The following HPSE2 variants were observed in gnomAD, a reference collection of about 807,000 sequenced individuals.
The protein encoded by HPSE2 is inactive heparanase-2.
A neutral mutation model predicts 60.5 loss-of-function variants in HPSE2; 38 were observed. That is an observed-to-expected ratio of 0.63 (90% confidence interval 0.48 to 0.82). HPSE2 has a LOEUF of 0.82. HPSE2 is among the 40% of genes least tolerant of loss of function. The probability of loss-of-function intolerance (pLI) is 0.00; values close to 1 mark genes in which losing one functional copy is unlikely to be tolerated. For missense variants in HPSE2, 713 were observed against 740.4 expected (o/e 0.96, Z 0.43); for synonymous variants, 295 against 293.2 (o/e 1.01, Z -0.06).
intron 9 of HPSE2, among the ~76,000 whole-genome samples, chr10:98,564,792 TC>T (rs1168793070): frequency 6.6e-5 from 10 of 152,194 alleles, no homozygotes; most frequent in Non-Finnish European, 1.5e-4. Context: ...TTTAAATATT[TC>T]CAAGGAAGAA....
chr10:99,277,755 A>G, the HPSE2 span, among the ~76,000 whole-genome samples: 2 of 152,202 alleles, frequency 1.3e-5, no homozygotes, highest in Non-Finnish European at 2.9e-5. Flanking sequence ...GAAAAGATGG[A>G]AAAATATCAT....
chr10:98,931,523 T>C (rs1042303913), intron 3 of HPSE2, among the ~76,000 whole-genome samples: 1 of 144,262 alleles, frequency 6.9e-6, no homozygotes, highest in African/African-American at 2.8e-5. Context: ...GGTAGCTTAA[T>C]GGGAATTGCA....
chr10:99,261,491 G>T, the HPSE2 span, among the ~76,000 whole-genome samples: 1 of 152,098 alleles, frequency 6.6e-6, no homozygotes, highest in African/African-American at 2.4e-5. Context: ...AAATCAGTTA[G>T]CGTTTAGGCT....
At chr10:98,710,480 T>G (rs546228725) in intron 5 of HPSE2, among the ~76,000 whole-genome samples, 1 of 152,284 alleles carries the variant, frequency 6.6e-6, no homozygotes, top group Non-Finnish European at 1.5e-5. Flanking sequence ...GGCTTAAATA[T>G]ACAGGAATTA....
At chr10:98,742,284 G>T (rs972018910) in intron 4 of HPSE2, among the ~76,000 whole-genome samples, 1 of 152,126 alleles carries the variant, frequency 6.6e-6, no homozygotes, top group East Asian at 1.9e-4. Context: ...TGAGGGCTAC[G>T]TTCCAGTTAG....
chr10:98,842,961 C>T (rs1356826829), intron 3 of HPSE2, among the ~76,000 whole-genome samples: 1 of 152,056 alleles, frequency 6.6e-6, no homozygotes, highest in Non-Finnish European at 1.5e-5. Context: ...AGTCTTTTCA[C>T]ACAGGCTTCT....
intron 3 of HPSE2, among the ~76,000 whole-genome samples, chr10:98,898,004 A>G (rs1286504258): frequency 1.3e-5 from 2 of 152,168 alleles, no homozygotes; most frequent in Non-Finnish European, 2.9e-5. Flanking sequence ...AATGAGGAAA[A>G]AAACCTCAAC....
chr10:98,839,019 G>T (rs1369309039), intron 3 of HPSE2, among the ~76,000 whole-genome samples: 3 of 152,124 alleles, frequency 2.0e-5, no homozygotes, highest in African/African-American at 7.2e-5. Context: ...TAATAGATCA[G>T]TTCTAGAAAT....
the HPSE2 span, among the ~76,000 whole-genome samples, chr10:99,258,672 A>G: frequency 6.6e-6 from 1 of 152,242 alleles, no homozygotes. Context: ...TATTGGCATC[A>G]AGACAAATAG....
intron 9 of HPSE2, among the ~76,000 whole-genome samples, chr10:98,534,172 C>G (rs987685351): frequency 6.6e-6 from 1 of 152,230 alleles, no homozygotes; most frequent in Non-Finnish European, 1.5e-5. Context: ...CTGACAACTA[C>G]TATCTGTTTT....
intron 3 of HPSE2, among the ~76,000 whole-genome samples, chr10:99,051,822 T>A (rs1488213960): frequency 1.3e-5 from 2 of 152,166 alleles, no homozygotes; most frequent in East Asian, 3.9e-4. Flanking sequence ...AAAGACTATG[T>A]CTCAGGACTA....
intron 3 of HPSE2, among the ~76,000 whole-genome samples, chr10:98,949,413 T>C (rs1210968337): frequency 6.7e-6 from 1 of 149,850 alleles, no homozygotes; most frequent in Non-Finnish European, 1.5e-5. Flanking sequence ...AATTCAGTCT[T>C]TCTCTGGTGG....
Position 98,723,449 on chromosome 10 carries a change from G to A in HPSE2, c.785-1621C>T, listed in dbSNP as rs1040343860. 4.4e-4 allele frequency among the ~76,000 whole-genome samples: 67 copies of A among 152,118 alleles called. 2 individuals carry two copies. The highest frequency in any genetic ancestry group is 1.5e-5 in the Non-Finnish European group (1 of 68,034). ...TCTTTTTTTGTCGTGTCTCTGCCAGGCTTTGGTATCAGGATGATGCTGGCC... is the reference window on the plus strand; with the variant it reads ...TCTTTTTTTGTCGTGTCTCTGCCAGACTTTGGTATCAGGATGATGCTGGCC... On this transcript the variant is annotated intron_variant, in intron 4 of 11. Transcript: ENST00000370552.
intron 10 of HPSE2, among the ~76,000 whole-genome samples, chr10:98,484,699 G>C (rs1406105460): frequency 6.6e-6 from 1 of 151,990 alleles, no homozygotes; most frequent in African/African-American, 2.4e-5. Flanking sequence ...TTATCTTTTT[G>C]ATTTCTTCTT....
intron 3 of HPSE2, among the ~76,000 whole-genome samples, chr10:99,049,885 G>A (rs1957949306): frequency 6.6e-6 from 1 of 152,074 alleles, no homozygotes; most frequent in Admixed American, 6.5e-5. Flanking sequence ...AATGAACTCT[G>A]ACAACTTAAT....
At chr10:98,922,295 C>T (rs746486801) in intron 3 of HPSE2, among the ~76,000 whole-genome samples, 2 of 152,006 alleles carry the variant, frequency 1.3e-5, no homozygotes, top group Non-Finnish European at 2.9e-5. Flanking sequence ...TGGATAGTGC[C>T]CTTCAGGGGA....
intron 9 of HPSE2, among the ~76,000 whole-genome samples, chr10:98,522,568 G>C (rs913782213): frequency 6.6e-6 from 1 of 152,072 alleles, no homozygotes; most frequent in East Asian, 1.9e-4. Flanking sequence ...TCCGCTTCCC[G>C]GATTCAAGAG....
chr10:98,854,571 T>C (rs1030421552), intron 3 of HPSE2, among the ~76,000 whole-genome samples: 1 of 152,176 alleles, frequency 6.6e-6, no homozygotes, highest in African/African-American at 2.4e-5. Context: ...ATGTACCTAC[T>C]GCTACACATA....
intron 3 of HPSE2, among the ~76,000 whole-genome samples, chr10:98,902,611 C>T (rs117031803): frequency 0.015 from 2,324 of 152,190 alleles, 26 homozygotes; most frequent in Middle Eastern, 0.058. Context: ...AATACCTCCA[C>T]AGTACTTTCT....
Sources: allele counts gnomAD v4.1 joint callset (sites outside exome capture counted in the v4.1 genomes callset), GRCh38; gene constraint gnomAD v4.1.1; transcripts MANE v1.5; gene names NCBI Gene and HGNC (gene_info 2026-07-23, HGNC 2026-07-21).